The following SPOP variants were observed in gnomAD, a reference collection of about 807,000 sequenced individuals.
The protein encoded by SPOP is speckle-type POZ protein.
A neutral mutation model predicts 45.6 loss-of-function variants in SPOP; 11 were observed. The observed-to-expected ratio is 0.24, with a 90% CI of 0.15 to 0.40. The LOEUF (loss-of-function observed/expected upper bound fraction) is 0.40, where lower values mean the gene tolerates loss of function less well. Ranked by LOEUF, SPOP falls within the 10% of genes least tolerant of loss-of-function variation. The probability of loss-of-function intolerance (pLI) is 1.00; values close to 1 mark genes in which losing one functional copy is unlikely to be tolerated. For missense variants in SPOP, 152 were observed against 465.6 expected (o/e 0.33, Z 6.20); for synonymous variants, 166 against 166.3 (o/e 1.00, Z 0.01).
chr17:49,646,528 A>G (rs1326099874), intron 1 of SPOP: 1 of 151,980 alleles, frequency 6.6e-6, no homozygotes, highest in Non-Finnish European at 1.5e-5. Flanking sequence ...TCAAAAAAAA[A>G]AAAAAAGAGA....
intron 1 of SPOP, among the ~76,000 whole-genome samples, chr17:49,646,881 A>G (rs1597964509): frequency 6.6e-6 from 1 of 152,316 alleles, no homozygotes; most frequent in East Asian, 1.9e-4. Context: ...TGACTCTTAG[A>G]TCAGGTATGG....
Position 49,617,923 on chromosome 17 carries a change from C to CAA in SPOP, c.480+1056_480+1057dup, listed in dbSNP as rs907445153. Among the ~76,000 whole-genome samples, 176 of 55,838 alleles carry CAA rather than the reference C, an allele frequency of 3.2e-3. 2 individuals carry two copies. Among genetic ancestry groups the CAA allele is most frequent in the African/African-American group, 1.0e-2 (159 of 15,960 alleles). 36.6% of individuals were successfully genotyped at this position (55,838 alleles called of 152,430 possible). A position where few individuals can be genotyped will look rare whatever the true frequency, so the allele number is the denominator to read the frequency against. On this transcript the variant is annotated intron_variant, in intron 5 of 9. Transcript: ENST00000504102. ...TGGGTGACAGAGCAAGACTCCGTCT[C>CAA]AAAAAAAAAAAAAAAAAAAAGAAAG... is the stretch of plus-strand genomic sequence containing the variant.
chr17:49,603,570 T>G (rs892873909), intron 8 of SPOP, among the ~76,000 whole-genome samples: 3 of 152,228 alleles, frequency 2.0e-5, no homozygotes, highest in Non-Finnish European at 4.4e-5. Context: ...GTTTTTGGTC[T>G]AATTACACAT....
rs568975120 is a variant in SPOP at position 49,649,662 on chromosome 17, T to C, written c.-66-26786A>G. 2.8e-4 allele frequency among the ~76,000 whole-genome samples: 42 copies of C among 150,952 alleles called. No homozygotes were observed. In the East Asian group the frequency reaches 4.4e-3, roughly 16 times the overall value. ...GACTCACACAGTGAAACCCCGTCTC[T>C]ACTAAAAATACAAAAAATTAGCCGG... On this transcript the variant is annotated intron_variant, in intron 1 of 9. Transcript: ENST00000504102.
intron 1 of SPOP, among the ~76,000 whole-genome samples, chr17:49,637,914 C>A (rs1315165723): frequency 6.6e-6 from 1 of 152,204 alleles, no homozygotes; most frequent in Non-Finnish European, 1.5e-5. Flanking sequence ...GCTGCCCCAG[C>A]TGGAGTACAG....
chr17:49,655,138 T>C (rs917540323), intron 1 of SPOP, among the ~76,000 whole-genome samples: 1 of 152,162 alleles, frequency 6.6e-6, no homozygotes, highest in Non-Finnish European at 1.5e-5. Flanking sequence ...TTACTGAGTT[T>C]AAAAAAGTAC....
intron 5 of SPOP, chr17:49,618,485 GA>G (rs928306809): frequency 1.8e-5 from 8 of 451,596 alleles, no homozygotes; most frequent in East Asian, 7.0e-5. Context: ...CTTCACCCTA[GA>G]AAAAAAATGG....
intron 9 of SPOP, 192 bp downstream of exon 9, chr17:49,601,673 T>A (rs2071742538): frequency 9.3e-6 from 6 of 643,020 alleles, no homozygotes; most frequent in Non-Finnish European, 1.5e-5. Flanking sequence ...GTAAAACACT[T>A]TACTCACCAA....
chr17:49,656,995 C>G (rs958827303), intron 1 of SPOP, among the ~76,000 whole-genome samples: 4 of 152,006 alleles, frequency 2.6e-5, no homozygotes, highest in African/African-American at 9.7e-5. Context: ...TCCTGGCTAA[C>G]ACAGTGAAAT....
At chr17:49,655,602 G>T (rs959229870) in intron 1 of SPOP, among the ~76,000 whole-genome samples, 2 of 151,916 alleles carry the variant, frequency 1.3e-5, no homozygotes, top group Non-Finnish European at 2.9e-5. Flanking sequence ...ATTCTATCTT[G>T]GCTGAAATAA....
intron 1 of SPOP, among the ~76,000 whole-genome samples, chr17:49,639,307 T>A (rs2072602759): frequency 6.6e-6 from 1 of 152,078 alleles, no homozygotes; most frequent in South Asian, 2.1e-4. Context: ...AGGGAGACTA[T>A]CATACTGTTG....
intron 1 of SPOP, among the ~76,000 whole-genome samples, chr17:49,630,051 T>C (rs1459233927): frequency 6.6e-6 from 1 of 152,174 alleles, no homozygotes; most frequent in African/African-American, 2.4e-5. Context: ...TTTAAAAGCC[T>C]CTCTCTCTGC....
At chr17:49,644,880 G>A (rs914288432) in intron 1 of SPOP, among the ~76,000 whole-genome samples, 20 of 152,008 alleles carry the variant, frequency 1.3e-4, no homozygotes, top group African/African-American at 4.3e-4. Flanking sequence ...CTAAATTCAT[G>A]GCAATAGGTT....
At chr17:49,657,867 A>T (rs775518480) in intron 1 of SPOP, among the ~76,000 whole-genome samples, 1 of 151,222 alleles carries the variant, frequency 6.6e-6, no homozygotes, top group Non-Finnish European at 1.5e-5. Context: ...ACACCCAGCT[A>T]ATTTTTTGTA....
At chr17:49,659,395 G>A (rs968669217) in intron 1 of SPOP, among the ~76,000 whole-genome samples, 3 of 152,140 alleles carry the variant, frequency 2.0e-5, no homozygotes, top group African/African-American at 7.2e-5. Flanking sequence ...CGACAGCTTC[G>A]TATCTGCTAA....
chr17:49,632,713 G>A (rs913753973), intron 1 of SPOP, among the ~76,000 whole-genome samples: 16 of 151,986 alleles, frequency 1.1e-4, no homozygotes, highest in African/African-American at 3.9e-4. Flanking sequence ...GGCTGGTCTC[G>A]AACTCCTCAC....
intron 1 of SPOP, among the ~76,000 whole-genome samples, chr17:49,657,696 C>CTTTTT (rs34194099): frequency 2.0e-5 from 2 of 100,956 alleles, no homozygotes; most frequent in South Asian, 4.2e-4. Flanking sequence ...CGCACCCGGC[C>CTTTTT]TTTTTTTTTT....
At chr17:49,609,285 C>T (rs758357825) in intron 6 of SPOP, among the ~76,000 whole-genome samples, 2 of 152,088 alleles carry the variant, frequency 1.3e-5, no homozygotes, top group African/African-American at 4.8e-5. Flanking sequence ...TAATTTCTAC[C>T]GAAAGGATAT....
chr17:49,609,574 C>T (rs914942783), intron 6 of SPOP, among the ~76,000 whole-genome samples: 22 of 152,142 alleles, frequency 1.4e-4, no homozygotes, highest in African/African-American at 5.1e-4. Context: ...AAGGAGACCA[C>T]ACATCAGAAG....
Sources: allele counts gnomAD v4.1 joint callset (sites outside exome capture counted in the v4.1 genomes callset), GRCh38; gene constraint gnomAD v4.1.1; transcripts MANE v1.5; gene names NCBI Gene and HGNC (gene_info 2026-07-23, HGNC 2026-07-21).